Variants in PTPRD observed in about 807,000 individuals in gnomAD.
PTPRD encodes protein tyrosine phosphatase receptor type D.
Under a neutral mutation model 214.5 loss-of-function variants are expected in PTPRD, and 34 were observed. That is an observed-to-expected ratio of 0.16 (90% CI 0.12 to 0.21). The LOEUF (loss-of-function observed/expected upper bound fraction) is 0.21. Ranked by LOEUF, PTPRD falls within the 10% of genes least tolerant of loss-of-function variation. PTPRD has a pLI of 1.00. For synonymous variants in PTPRD, 1,128 were observed against 845.7 expected (o/e 1.33, Z -5.79); for missense variants, 2,545 against 2,398.7 (o/e 1.06, Z -1.27).
chr9:8,804,286 A>G (rs2154519926), intron 11 of PTPRD, among the ~76,000 whole-genome samples: 1 of 152,170 alleles, frequency 6.6e-6, no homozygotes, highest in Non-Finnish European at 1.5e-5. Flanking sequence ...ATCTATAGGC[A>G]CTTTAAAACA....
intron 2 of PTPRD, among the ~76,000 whole-genome samples, chr9:10,350,146 GT>G (rs147846534): frequency 0.11 from 17,155 of 151,432 alleles, 1,224 homozygotes; most frequent in South Asian, 0.18. Context: ...GAGTATACAT[GT>G]TTTTTTTTCT....
chr9:8,389,840 A>C (rs879601933), intron 36 of PTPRD, among the ~76,000 whole-genome samples: 4 of 152,182 alleles, frequency 2.6e-5, no homozygotes, highest in African/African-American at 4.8e-5. Flanking sequence ...ATAATGAAAA[A>C]TTCTTTGTAG....
At chr9:10,440,908 G>C (rs891544845) in intron 2 of PTPRD, among the ~76,000 whole-genome samples, 3 of 151,664 alleles carry the variant, frequency 2.0e-5, no homozygotes, top group Non-Finnish European at 3.0e-5. Context: ...TAGACTCCTG[G>C]AGATGAAACC....
intron 9 of PTPRD, among the ~76,000 whole-genome samples, chr9:9,248,260 T>C (rs1231330848): frequency 1.3e-5 from 2 of 151,862 alleles, no homozygotes; most frequent in African/African-American, 2.4e-5. Context: ...ACTTGGCTAA[T>C]TTTTGTATTT....
At chr9:8,404,049 G>C (rs552393052) in intron 36 of PTPRD, among the ~76,000 whole-genome samples, 1 of 152,224 alleles carries the variant, frequency 6.6e-6, no homozygotes, top group East Asian at 1.9e-4. Flanking sequence ...ATGGTGTCAG[G>C]GATATTGTGG....
intron 9 of PTPRD, among the ~76,000 whole-genome samples, chr9:9,330,664 G>A (rs140230893): frequency 0.013 from 2,017 of 151,958 alleles, 45 homozygotes; most frequent in African/African-American, 0.047. Context: ...TTGACAAAGA[G>A]TTAATTTTGT....
intron 3 of PTPRD, among the ~76,000 whole-genome samples, chr9:10,167,159 G>C (rs193177690): frequency 6.6e-6 from 1 of 150,400 alleles, no homozygotes; most frequent in East Asian, 2.0e-4. Context: ...GCTAACAGAA[G>C]CTTATGGAGT....
chr9:10,417,783 G>A (rs1383017373), intron 2 of PTPRD, among the ~76,000 whole-genome samples: 1 of 151,752 alleles, frequency 6.6e-6, no homozygotes, highest in African/African-American at 2.4e-5. Flanking sequence ...TCTGAATATA[G>A]CCAATATGAA....
chr9:8,792,547 C>T (rs1403617506), intron 11 of PTPRD, among the ~76,000 whole-genome samples: 1 of 152,156 alleles, frequency 6.6e-6, no homozygotes, highest in Non-Finnish European at 1.5e-5. Flanking sequence ...TGAAATCTAG[C>T]TTTTGGACTA....
chr9:8,523,587 A>T, intron 18 of PTPRD, 63 bp from the exon 19 acceptor site: 1 of 1,587,266 alleles, frequency 6.3e-7, no homozygotes, highest in Non-Finnish European at 8.6e-7. Flanking sequence ...AAAACAAGGG[A>T]AACACAGAGA....
intron 2 of PTPRD, among the ~76,000 whole-genome samples, chr9:10,360,338 A>G (rs2097355040): frequency 6.6e-6 from 1 of 152,234 alleles, no homozygotes; most frequent in African/African-American, 2.4e-5. Flanking sequence ...AAAACTCATC[A>G]CAATTAGTTT....
intron 3 of PTPRD, among the ~76,000 whole-genome samples, chr9:10,131,575 C>A (rs1352495021): frequency 6.6e-6 from 1 of 152,172 alleles, no homozygotes; most frequent in Non-Finnish European, 1.5e-5. Flanking sequence ...CTTACAAATA[C>A]TTAGAGTGCC....
At chr9:8,562,107 G>C (rs2086632646) in intron 14 of PTPRD, among the ~76,000 whole-genome samples, 2 of 151,988 alleles carry the variant, frequency 1.3e-5, no homozygotes, top group Non-Finnish European at 2.9e-5. Context: ...TGAAGATGAA[G>C]GTATATATCC....
intron 2 of PTPRD, among the ~76,000 whole-genome samples, chr9:10,482,282 A>G (rs1049277527): frequency 3.9e-5 from 6 of 151,922 alleles, no homozygotes; most frequent in Non-Finnish European, 8.8e-5. Flanking sequence ...GAGGCAGGAG[A>G]ATGGCATGAA....
Position 10,530,674 on chromosome 9 carries a change from A to T in PTPRD, c.-600+81724T>A, listed in dbSNP as rs2055976539. On this transcript the variant is annotated intron_variant, in intron 2 of 45. Transcript: ENST00000381196. ...AATAATAATTAATCATAATGATAAT[A>T]AGAGCCAGATTAAAAGAACTCTCAC... Among the ~76,000 whole-genome samples, 4 of 152,184 alleles carry T rather than the reference A, an allele frequency of 2.6e-5. No individual in the cohort carries two copies. In the South Asian group the frequency reaches 8.3e-4, roughly 31 times the overall value.
intron 5 of PTPRD, among the ~76,000 whole-genome samples, chr9:9,893,843 C>A (rs1231147094): frequency 1.3e-5 from 2 of 151,948 alleles, no homozygotes; most frequent in African/African-American, 4.8e-5. Flanking sequence ...TTTTTAGAGA[C>A]AAGATCTTTC....
At chr9:10,272,233 C>T (rs10958992) in intron 3 of PTPRD, among the ~76,000 whole-genome samples, 7 of 152,230 alleles carry the variant, frequency 4.6e-5, no homozygotes, top group East Asian at 1.9e-4. Context: ...TGGCTTCTTT[C>T]GCTTAACATA....
chr9:9,336,850 T>A (rs1371916945), intron 9 of PTPRD, among the ~76,000 whole-genome samples: 1 of 152,166 alleles, frequency 6.6e-6, no homozygotes, highest in Non-Finnish European at 1.5e-5. Flanking sequence ...ATAGTTTATA[T>A]GAGTAAGACA....
At chr9:9,987,101 C>G (rs2095741632) in intron 4 of PTPRD, among the ~76,000 whole-genome samples, 1 of 152,036 alleles carries the variant, frequency 6.6e-6, no homozygotes, top group Non-Finnish European at 1.5e-5. Context: ...TAGCAATAAT[C>G]AAGCAGAGAT....
Sources: allele counts gnomAD v4.1 joint callset (sites outside exome capture counted in the v4.1 genomes callset), GRCh38; gene constraint gnomAD v4.1.1; transcripts MANE v1.5; gene names NCBI Gene and HGNC (gene_info 2026-07-23, HGNC 2026-07-21).